FSD1L: variants seen among roughly 807,000 people sequenced by gnomAD.
FSD1L encodes FSD1-like protein.
Under a neutral mutation model 71.6 loss-of-function variants are expected in FSD1L, and 45 were observed. That is an observed-to-expected ratio of 0.63 (90% CI 0.49 to 0.81). The LOEUF (loss-of-function observed/expected upper bound fraction) is 0.81. Ranked by LOEUF, FSD1L falls within the 30% of genes least tolerant of loss-of-function variation. FSD1L has a pLI of 0.00. For synonymous variants in FSD1L, 197 were observed against 207.2 expected, an observed-to-expected ratio of 0.95 and a Z score of 0.42; for missense variants, 561 against 618.1, an observed-to-expected ratio of 0.91 and a Z score of 0.98.
intron 13 of FSD1L, among the ~76,000 whole-genome samples, chr9:105,542,894 G>A (rs1836721801): frequency 6.6e-6 from 1 of 152,114 alleles, no homozygotes; most frequent in Non-Finnish European, 1.5e-5. Context: ...TTGTTATGAA[G>A]TCCAATTTGG....
intron 4 of FSD1L, among the ~76,000 whole-genome samples, chr9:105,470,934 G>C (rs768144983): frequency 3.3e-5 from 5 of 152,280 alleles, no homozygotes; most frequent in South Asian, 4.1e-4. Flanking sequence ...GCAGAATTCT[G>C]TTCTGTTTTG....
At chr9:105,517,683 T>C (rs1834820003) in intron 10 of FSD1L, among the ~76,000 whole-genome samples, 1 of 152,100 alleles carries the variant, frequency 6.6e-6, no homozygotes, top group South Asian at 2.1e-4. Flanking sequence ...GAAAGAACCA[T>C]TGGTACCAGC....
intron 11 of FSD1L, 87 bp from the exon 12 acceptor site, chr9:105,534,980 G>A (rs756875248): frequency 7.6e-7 from 1 of 1,318,242 alleles, no homozygotes; most frequent in Non-Finnish European, 1.1e-6. Flanking sequence ...AAAAATTTTT[G>A]TGTCTTTTTT....
Position 105,546,368 on chromosome 9 carries a change from G to T in FSD1L, c.1478G>T (p.Gly493Val), listed in dbSNP as rs1164551819. 1 of 1,546,218 alleles carries T rather than the reference G, an allele frequency of 6.5e-7. No homozygotes were observed. Among genetic ancestry groups the T allele is most frequent in the Non-Finnish European group, 8.7e-7 (1 of 1,145,024 alleles). Reference sequence around the variant, plus strand: ...TTTGTCTTTTCTTAGGTATGGTGTGGTGGACTTTCTTTGAGTACTGGGATG... The same window carrying T: ...TTTGTCTTTTCTTAGGTATGGTGTGTTGGACTTTCTTTGAGTACTGGGATG... ...PVLPGFMVWC[G>V]GLSLSTGMQV... Residue 493 changes from glycine (G) to valine (V), a missense_variant, in exon 14 of 14, where the codon GGT becomes GTT. Around this residue, in one of 3 missense-constraint regions of FSD1L, gnomAD observed 98 missense variants for 102.3 expected, o/e 0.96. Coordinates refer to ENST00000481272, the MANE Select transcript of FSD1L (RefSeq NM_001145313.3).
Position 105,545,285 on chromosome 9 carries a change from C to G in FSD1L, c.1468-1073C>G, listed in dbSNP as rs1451782160. On this transcript the variant is annotated intron_variant, in intron 13 of 13. Coordinates refer to ENST00000481272, the MANE Select transcript of FSD1L (RefSeq NM_001145313.3). ...TGCACATTGATTTTGTATCCTGAGA[C>G]TTTGCTGAAGTTGCTTATCAGCTTA... 2.7e-5 allele frequency among the ~76,000 whole-genome samples: 4 copies of G among 146,234 alleles called. 1 individual carries two copies. The highest frequency in any genetic ancestry group is 6.8e-5 in the Admixed American group (1 of 14,780).
chr9:105,523,377 T>C, intron 10 of FSD1L: 1 of 1,605,382 alleles, frequency 6.2e-7, no homozygotes, highest in Admixed American at 1.7e-5. Context: ...TGAATTTCCA[T>C]CAGAATGTTG....
chr9:105,529,772 A>G (rs190915790), intron 10 of FSD1L, among the ~76,000 whole-genome samples: 100 of 152,046 alleles, frequency 6.6e-4, no homozygotes, highest in African/African-American at 2.3e-3. Flanking sequence ...GTATAATAAT[A>G]TTAAAAAAAA....
chr9:105,496,981 A>G lies in FSD1L; in HGVS notation c.587-9418A>G, dbSNP rs76266935. On this transcript the variant is annotated intron_variant, in intron 7 of 13. Coordinates refer to ENST00000481272, the MANE Select transcript of FSD1L (RefSeq NM_001145313.3). ...CATTTTGAGTTTCTCTCCATTAAGT[A>G]TGGTGTTAGCTGTAATTTTTTTTGT... Among the ~76,000 whole-genome samples the G allele has an allele frequency of 9.2e-3, 1,405 of 152,324 alleles. 22 individuals are homozygous for G. The highest frequency in any genetic ancestry group is 0.032 in the African/African-American group (1,345 of 41,568).
chr9:105,524,979 A>G (rs1835416677), intron 10 of FSD1L: 4 of 1,608,106 alleles, frequency 2.5e-6, no homozygotes, highest in Non-Finnish European at 2.5e-6. Context: ...ATCAGATCAG[A>G]AGAGAATATG....
chr9:105,463,021 C>T (rs913023865), intron 2 of FSD1L, among the ~76,000 whole-genome samples: 5 of 151,146 alleles, frequency 3.3e-5, no homozygotes, highest in African/African-American at 1.2e-4. Context: ...ACCTGTAATT[C>T]CAGCTACTCG....
intron 1 of FSD1L, among the ~76,000 whole-genome samples, chr9:105,450,414 G>C (rs908294479): frequency 6.6e-6 from 1 of 152,120 alleles, no homozygotes; most frequent in Non-Finnish European, 1.5e-5. Flanking sequence ...CAAGTCTCCA[G>C]TTCTACTATT....
chr9:105,442,879 A>G (rs1457582945), upstream of FSD1L, among the ~76,000 whole-genome samples: 1 of 152,192 alleles, frequency 6.6e-6, no homozygotes, highest in African/African-American at 2.4e-5. Flanking sequence ...ATGGAAATCC[A>G]TCTTCCTGTA....
intron 1 of FSD1L, among the ~76,000 whole-genome samples, chr9:105,453,058 T>G (rs1192299370): frequency 6.7e-6 from 1 of 149,766 alleles, no homozygotes; most frequent in Non-Finnish European, 1.5e-5. Flanking sequence ...TTTTTTTTTT[T>G]TTTTTTTTGT....
chr9:105,533,977 C>A (rs775970425), intron 10 of FSD1L, among the ~76,000 whole-genome samples: 240 of 152,128 alleles, frequency 1.6e-3, no homozygotes, highest in Admixed American at 3.5e-3. Context: ...CCTGCCTTGG[C>A]GCCTCCCAAA....
At position 105,549,644 on chromosome 9, in the gene FSD1L, G is replaced by A. The variant is rs1286500476; in HGVS notation, c.*3161G>A. 1.3e-5 allele frequency: 2 copies of A among 151,822 alleles called. No homozygotes were observed. The highest frequency in any genetic ancestry group is 2.4e-5 in the African/African-American group (1 of 41,364). The allele number at this position is 151,822 out of a possible 1,614,324, so 9.4% of individuals were successfully genotyped here. ...CTATGTTATGAAGAGAGACATATTGGCTTGCTTTAATTTACTTATTTATGA... is the reference window on the plus strand; with the variant it reads ...CTATGTTATGAAGAGAGACATATTGACTTGCTTTAATTTACTTATTTATGA... On this transcript the variant is annotated 3_prime_UTR_variant, in exon 14 of 14. Transcript: ENST00000481272.
Position 105,512,832 on chromosome 9 carries a change from C to G in FSD1L, c.921C>G (p.Ser307=), listed in dbSNP as rs1281745780. 4.6e-6 allele frequency: 7 copies of G among 1,530,402 alleles called. No homozygotes were observed. The highest frequency in any genetic ancestry group is 1.2e-5 in the South Asian group (1 of 81,486). The allele number at this position is 1,530,402 out of a possible 1,614,324, so 94.8% of individuals were successfully genotyped here. A position where few individuals can be genotyped will look rare whatever the true frequency, so the allele number is the denominator to read the frequency against. ...TKALNFNLDN[S]SSHLNLKVED... is the part of the protein sequence containing the mutation. Reference sequence around the variant, plus strand: ...CACTTAACTTCAATTTGGATAACTCCTCATCCCATTTGAACCTGAAAGTTG... The same window carrying G: ...CACTTAACTTCAATTTGGATAACTCGTCATCCCATTTGAACCTGAAAGTTG... The change falls in exon 10 of 14, where the codon TCC becomes TCG. Residue 307 remains serine (S), a synonymous_variant. Coordinates refer to ENST00000481272, the MANE Select transcript of FSD1L (RefSeq NM_001145313.3).
upstream of FSD1L, among the ~76,000 whole-genome samples, chr9:105,446,726 T>G (rs1419459091): frequency 7.9e-5 from 12 of 151,376 alleles, no homozygotes; most frequent in South Asian, 2.3e-3. Context: ...TTTTTTTTTT[T>G]GGTTGGTCTT....
intron 12 of FSD1L, among the ~76,000 whole-genome samples, chr9:105,537,042 C>T (rs193293246): frequency 2.6e-5 from 4 of 152,114 alleles, no homozygotes; most frequent in African/African-American, 4.8e-5. Flanking sequence ...CCAAATTTCC[C>T]GTCTTAAAAT....
intron 12 of FSD1L, among the ~76,000 whole-genome samples, chr9:105,539,027 G>C (rs1836442162): frequency 6.6e-6 from 1 of 152,098 alleles, no homozygotes; most frequent in Admixed American, 6.5e-5. Context: ...AAGTCGAATC[G>C]TGCTAGATTA....
Sources: gnomAD v4.1 joint callset for allele counts (sites outside exome capture counted in the v4.1 genomes callset) on GRCh38, gnomAD v4.1.1 for gene constraint, gnomAD v4.1.1 regional missense constraint, MANE v1.5 for transcripts, NCBI Gene and HGNC (gene_info 2026-07-23, HGNC 2026-07-21) for gene names.